ACAP2: variants seen among roughly 807,000 people sequenced by gnomAD.
ACAP2 encodes arf-GAP with coiled-coil, ANK repeat and PH domain-containing protein 2.
In ACAP2, 39 loss-of-function variants were observed where a neutral mutation model predicts 115.8. That is an observed-to-expected ratio of 0.34 (90% CI 0.26 to 0.44). The LOEUF (loss-of-function observed/expected upper bound fraction) is 0.44, where lower values mean the gene tolerates loss of function less well. ACAP2 is among the 20% of genes least tolerant of loss of function. ACAP2 has a pLI of 1.00. For synonymous variants in ACAP2, 289 were observed against 315.8 expected (o/e 0.92, Z 0.90); for missense variants, 662 against 927.6 (o/e 0.71, Z 3.72).
At chr3:195,298,873 C>T (rs1272028427) in intron 15 of ACAP2, among the ~76,000 whole-genome samples, 3 of 148,260 alleles carry the variant, frequency 2.0e-5, no homozygotes, top group Non-Finnish European at 2.9e-5. Flanking sequence ...TCAGGTGATC[C>T]ACCTGCCTCA....
At chr3:195,351,187 G>A (rs1577342025) in intron 4 of ACAP2, among the ~76,000 whole-genome samples, 3 of 147,696 alleles carry the variant, frequency 2.0e-5, no homozygotes, top group Non-Finnish European at 3.0e-5. Context: ...GTGTGATCTC[G>A]GCTCACTGCA....
intron 6 of ACAP2, among the ~76,000 whole-genome samples, chr3:195,338,100 T>C (rs1022718779): frequency 6.6e-6 from 1 of 152,214 alleles, no homozygotes; most frequent in Non-Finnish European, 1.5e-5. Flanking sequence ...CTATGCTAGC[T>C]TCTTACGTAC....
chr3:195,321,529 T>C (rs1376246265), intron 9 of ACAP2, among the ~76,000 whole-genome samples: 3 of 152,138 alleles, frequency 2.0e-5, no homozygotes, highest in Non-Finnish European at 4.4e-5. Context: ...GTTAACAATT[T>C]TTTAAAGTAT....
intron 1 of ACAP2, among the ~76,000 whole-genome samples, chr3:195,401,435 T>G (rs1247051459): frequency 6.6e-6 from 1 of 152,140 alleles, no homozygotes; most frequent in Admixed American, 6.6e-5. Context: ...GAGGCCAAGG[T>G]GGGTGGATCT....
intron 4 of ACAP2, among the ~76,000 whole-genome samples, chr3:195,357,218 G>C (rs565009789): frequency 4.6e-5 from 7 of 152,016 alleles, no homozygotes; most frequent in South Asian, 2.1e-4. Flanking sequence ...GTGGACACAG[G>C]GGGTGACTCC....
intron 1 of ACAP2, among the ~76,000 whole-genome samples, chr3:195,416,254 G>A (rs1383883831): frequency 6.6e-6 from 1 of 151,910 alleles, no homozygotes; most frequent in Non-Finnish European, 1.5e-5. Context: ...GCTGAGGCAG[G>A]AGAATCGCTT....
chr3:195,295,197 A>G, intron 17 of ACAP2: 1 of 1,288,486 alleles, frequency 7.8e-7, no homozygotes, highest in Non-Finnish European at 1.0e-6. Context: ...AGTACTTACT[A>G]CTACGCAGTT....
chr3:195,424,279 ATATATTTTTTTTTTTTTTT>A (rs1714466844), intron 1 of ACAP2, among the ~76,000 whole-genome samples: 1 of 50,698 alleles, frequency 2.0e-5, no homozygotes, highest in African/African-American at 7.0e-5. Context: ...ATATATATAT[ATATATTTTTTTTTTTTTTT>A]TTTTTTTTTT....
intron 4 of ACAP2, among the ~76,000 whole-genome samples, chr3:195,364,777 C>T (rs989583689): frequency 2.0e-5 from 3 of 152,058 alleles, no homozygotes; most frequent in African/African-American, 7.2e-5. Context: ...TACTCTCAGA[C>T]GTATATCCAA....
chr3:195,334,357 TA>T (rs893361384), intron 7 of ACAP2, among the ~76,000 whole-genome samples: 1 of 151,968 alleles, frequency 6.6e-6, no homozygotes, highest in Non-Finnish European at 1.5e-5. Flanking sequence ...AAAAATTGAT[TA>T]AAAATTTAAA....
intron 1 of ACAP2, among the ~76,000 whole-genome samples, chr3:195,396,813 AAGAAG>A (rs1711828847): frequency 6.8e-6 from 1 of 147,660 alleles, no homozygotes; most frequent in African/African-American, 2.6e-5. Flanking sequence ...AAAAAAAAAA[AAGAAG>A]AAGTATGCTA....
intron 2 of ACAP2, among the ~76,000 whole-genome samples, chr3:195,387,586 C>T (rs898411173): frequency 1.3e-5 from 2 of 152,058 alleles, no homozygotes; most frequent in Non-Finnish European, 2.9e-5. Context: ...CAGTGGCGCA[C>T]GCACACAACC....
intron 6 of ACAP2, among the ~76,000 whole-genome samples, chr3:195,341,478 C>T (rs1462332439): frequency 2.0e-5 from 3 of 152,014 alleles, no homozygotes; most frequent in Non-Finnish European, 4.4e-5. Flanking sequence ...GCGCCCGCCA[C>T]CACGCCCAGC....
At chr3:195,289,026 T>G (rs1374290566) in intron 21 of ACAP2, 95 bp downstream of exon 21, 2 of 866,668 alleles carry the variant, frequency 2.3e-6, no homozygotes, top group Non-Finnish European at 3.6e-6. Flanking sequence ...TGGATGTTGG[T>G]ATCCACAGGG....
At chr3:195,332,956 A>C (rs1027785364) in intron 8 of ACAP2, 72 bp downstream of exon 8, 2 of 1,135,028 alleles carry the variant, frequency 1.8e-6, no homozygotes, top group East Asian at 5.5e-5. Flanking sequence ...TACACCTCCA[A>C]TATGCTAAAT....
intron 4 of ACAP2, among the ~76,000 whole-genome samples, chr3:195,372,698 C>T (rs1443376160): frequency 1.3e-5 from 2 of 151,948 alleles, no homozygotes; most frequent in Non-Finnish European, 2.9e-5. Context: ...ACCTGTAGTC[C>T]TACTATTTGG....
intron 9 of ACAP2, among the ~76,000 whole-genome samples, chr3:195,325,774 C>T (rs545730536): frequency 1.3e-5 from 2 of 152,184 alleles, no homozygotes; most frequent in East Asian, 3.9e-4. Flanking sequence ...ATGATCATGT[C>T]ATTAAAACTC....
intron 1 of ACAP2, among the ~76,000 whole-genome samples, chr3:195,399,496 T>C (rs1577415865): frequency 6.6e-6 from 1 of 152,192 alleles, no homozygotes; most frequent in South Asian, 2.1e-4. Flanking sequence ...AAAAAAAATT[T>C]TGTTTTCCAT....
intron 4 of ACAP2, among the ~76,000 whole-genome samples, chr3:195,349,375 G>A (rs1439538095): frequency 1.3e-5 from 2 of 152,080 alleles, no homozygotes; most frequent in African/African-American, 4.8e-5. Context: ...CAGCTACTTG[G>A]GAGGCTGAGG....
Sources: allele counts gnomAD v4.1 joint callset (sites outside exome capture counted in the v4.1 genomes callset), GRCh38; gene constraint gnomAD v4.1.1; transcripts MANE v1.5; gene names NCBI Gene and HGNC (gene_info 2026-07-23, HGNC 2026-07-21).